Variants in IL25 observed in about 807,000 individuals in gnomAD.
IL25 encodes the protein interleukin 25, also known as interleukin-25.
In IL25, 10 loss-of-function variants were observed where a neutral mutation model predicts 13.2. The ratio of observed to expected loss-of-function variants is 0.76; its 90% CI spans 0.47 to 1.29. IL25 has a LOEUF of 1.29. Ranked by LOEUF, IL25 falls within the 50% of genes most tolerant of loss-of-function variation. The pLI, the probability that IL25 is intolerant of heterozygous loss-of-function variation, is 0.00. For synonymous variants in IL25, 107 were observed against 92.1 expected (o/e 1.16, Z -0.93); for missense variants, 235 against 232.4 (o/e 1.01, Z -0.07).
intron 1 of IL25, among the ~76,000 whole-genome samples, chr14:23,374,983 C>T (rs1186770904): frequency 6.6e-6 from 1 of 151,978 alleles, no homozygotes; most frequent in Non-Finnish European, 1.5e-5. Flanking sequence ...AGAAACACCA[C>T]CTAAAGTCCG....
chr14:23,373,347 A>G, exon 1 of IL25: 1 of 1,614,006 alleles, frequency 6.2e-7, no homozygotes. Context: ...CTGTAGGGCC[A>G]GTGAAGATGG....
exon 1 of IL25, chr14:23,372,884 A>T: frequency 7.9e-7 from 1 of 1,263,666 alleles, no homozygotes; most frequent in Non-Finnish European, 1.1e-6. Context: ...TAAAATCAGG[A>T]CTCCTAACCT....
exon 2 of IL25, chr14:23,375,760 T>C (rs751543463): frequency 2.2e-4 from 353 of 1,614,068 alleles, no homozygotes; most frequent in Non-Finnish European, 2.9e-4. Context: ...ACAACCAGAC[T>C]GTCTTCTACC....
chr14:23,372,932 G>T (rs1462641761), exon 1 of IL25: 1 of 1,606,430 alleles, frequency 6.2e-7, no homozygotes, highest in Non-Finnish European at 8.5e-7. Context: ...CTGTCAGTCA[G>T]TGCCCCACTT....
In IL25 at chr14:23,374,732, T is replaced by TTC. The variant is rs1555331961; in HGVS notation, c.279-892_279-891insCT. 6.1e-3 allele frequency among the ~76,000 whole-genome samples: 439 copies of TTC among 72,244 alleles called. 2 individuals carry two copies. The highest frequency in any genetic ancestry group is 0.029 in the African/African-American group (424 of 14,432). 47.4% of individuals were successfully genotyped at this position (72,244 alleles called of 152,430 possible). A position where few individuals can be genotyped will look rare whatever the true frequency, so the allele number is the denominator to read the frequency against. On this transcript the variant is annotated intron_variant, in intron 1 of 1. Coordinates refer to ENST00000329715, the Ensembl canonical transcript of IL25. ...TTTTCATCTTTCTTTCTTTCTTTCT[T>TTC]TTTTTTTTTTTGCCATGAAATCCTT...
chr14:23,373,272 C>A lies in IL25; in HGVS notation c.154C>A (p.Leu52Met). The change falls in exon 1 of 2, where the codon CTG becomes ATG. Residue 52 changes from leucine (L) to methionine (M), a missense_variant. Physicochemically the swap from Leu to Met is conservative, Grantham distance 15 (BLOSUM62 2). Transcript: ENST00000329715. ...AGGGCAGGACACCTCTGAGGAGCTG[C>A]TGAGGTGGAGCACTGTGCCTGTGCC... The A allele has an allele frequency of 6.2e-7, 1 of 1,614,198 alleles. No individual in the cohort carries two copies. Among genetic ancestry groups the A allele is most frequent in the African/African-American group, 1.3e-5 (1 of 75,058 alleles).
In IL25 at chr14:23,373,367, C is replaced by G. The variant is rs760281775; in HGVS notation, c.249C>G (p.Asn83Lys). ...GGGCCAGTGAAGATGGACCCCTCAA[C>G]AGCAGGGCCATCTCCCCCTGGAGAT... The change falls in exon 1 of 2, where the codon AAC (asparagine) becomes AAG (lysine). Residue 83 changes from asparagine to lysine, a missense_variant. Coordinates refer to ENST00000329715, the Ensembl canonical transcript of IL25. The G allele has an allele frequency of 3.1e-6, 5 of 1,613,254 alleles. No homozygotes were observed. The South Asian group carries it at 5.5e-5, about 18-fold the overall frequency.
At chr14:23,375,809 T>C in exon 2 of IL25, 1 of 1,614,258 alleles carries the variant, frequency 6.2e-7, no homozygotes. Flanking sequence ...CCACAAGGGC[T>C]ACTGCCTGGA....
chr14:23,373,485 C>T (rs1168495633), intron 1 of IL25, 89 bp downstream of exon 2: 20 of 1,171,212 alleles, frequency 1.7e-5, no homozygotes, highest in Non-Finnish European at 2.3e-5. Context: ...CTTACTTTCC[C>T]ATTTTGATCT....
chr14:23,373,280 G>A lies in IL25; in HGVS notation c.162G>A (p.Trp54Ter), dbSNP rs371234618. The change falls in exon 1 of 2, where the codon TGG (tryptophan) becomes TGA (stop). Residue 54 changes from tryptophan to a stop codon, truncating the protein, a stop_gained. Coordinates refer to ENST00000329715, the Ensembl canonical transcript of IL25. LOFTEE classifies it high-confidence loss of function. ...ACACCTCTGAGGAGCTGCTGAGGTGGAGCACTGTGCCTGTGCCTCCCCTAG... is the reference window on the plus strand; with the variant it reads ...ACACCTCTGAGGAGCTGCTGAGGTGAAGCACTGTGCCTGTGCCTCCCCTAG... The A allele has an allele frequency of 1.9e-6, 3 of 1,614,158 alleles. No homozygotes were observed. The highest frequency in any genetic ancestry group is 1.7e-6 in the Non-Finnish European group (2 of 1,180,032).
In IL25 at chr14:23,375,788, G is replaced by A. The variant is rs746436829; in HGVS notation, c.442G>A (p.Glu148Lys). The change falls in exon 2 of 2, where the codon GAG becomes AAG. Residue 148 changes from glutamate (E) to lysine (K), a missense_variant. Coordinates refer to ENST00000329715, the Ensembl canonical transcript of IL25. Reference sequence around the variant, plus strand: ...CTTCTACCGGCGGCCATGCCATGGCGAGAAGGGCACCCACAAGGGCTACTG... The same window carrying A: ...CTTCTACCGGCGGCCATGCCATGGCAAGAAGGGCACCCACAAGGGCTACTG... 17 of 1,614,112 alleles carry A rather than the reference G, an allele frequency of 1.1e-5. No homozygotes were observed. Among genetic ancestry groups the A allele is most frequent in the South Asian group, 3.3e-5 (3 of 91,092 alleles).
chr14:23,375,716 A>G (rs773751445), exon 2 of IL25: 4 of 1,614,114 alleles, frequency 2.5e-6, no homozygotes, highest in Non-Finnish European at 3.4e-6. Flanking sequence ...AGGCTCCCAC[A>G]TGGACCCCCG....
chr14:23,373,231 G>A lies in IL25; in HGVS notation c.113G>A (p.Ser38Asn), dbSNP rs762878140. 9 of 1,614,132 alleles carry A rather than the reference G, an allele frequency of 5.6e-6. No homozygotes were observed. The Admixed American group carries it at 1.5e-4, about 27-fold the overall frequency. The change falls in exon 1 of 2, where the codon AGC becomes AAC. Residue 38 changes from serine (S) to asparagine (N), a missense_variant. Physicochemically the swap from Ser to Asn is conservative, Grantham distance 46. Coordinates refer to ENST00000329715, the Ensembl canonical transcript of IL25. ...ACCCACACCTACAGCCACTGGCCCA[G>A]CTGCTGCCCCAGCAAAGGGCAGGAC... is the stretch of plus-strand genomic sequence containing the variant.
intron 1 of IL25, among the ~76,000 whole-genome samples, chr14:23,375,100 T>C (rs932184225): frequency 6.6e-6 from 1 of 152,112 alleles, no homozygotes; most frequent in Non-Finnish European, 1.5e-5. Flanking sequence ...GCCAACATCA[T>C]GAAACCCCAT....
Position 23,372,983 on chromosome 14 carries a change from C to G in IL25, c.-136C>G, listed in dbSNP as rs764865200. 1.2e-6 allele frequency: 2 copies of G among 1,613,870 alleles called. No homozygotes were observed. Among genetic ancestry groups the G allele is most frequent in the East Asian group, 2.2e-5 (1 of 44,878 alleles). ...GTGCCCAGCATGTACCAGGTCAGTG[C>G]AGAGGGCTGCCTGAGGGCTGTGCTG... On this transcript the variant is annotated 5_prime_UTR_variant, in exon 1 of 2. Coordinates refer to ENST00000329715, the Ensembl canonical transcript of IL25.
At chr14:23,374,676 G>A (rs1285017087) in intron 1 of IL25, among the ~76,000 whole-genome samples, 2 of 151,988 alleles carry the variant, frequency 1.3e-5, no homozygotes, top group Admixed American at 6.5e-5. Context: ...TAATGGAGTC[G>A]CAGACCTGTG....
intron 1 of IL25, among the ~76,000 whole-genome samples, chr14:23,374,265 A>G (rs1890482375): frequency 6.6e-6 from 1 of 152,066 alleles, no homozygotes; most frequent in Non-Finnish European, 1.5e-5. Flanking sequence ...TTCTTAGGGG[A>G]GGCGGGTGCC....
chr14:23,374,326 C>T (rs527392958), intron 1 of IL25, among the ~76,000 whole-genome samples: 3 of 152,272 alleles, frequency 2.0e-5, no homozygotes, highest in East Asian at 1.9e-4. Flanking sequence ...TCTGTGAACC[C>T]GAGAACCACT....
At chr14:23,373,789 AG>A (rs1890474885) in intron 1 of IL25, among the ~76,000 whole-genome samples, 1 of 152,302 alleles carries the variant, frequency 6.6e-6, no homozygotes, top group Admixed American at 6.5e-5. Flanking sequence ...ACAGGCATGA[AG>A]CATCCCAATA....
Sources: gnomAD v4.1 joint callset for allele counts (sites outside exome capture counted in the v4.1 genomes callset) on GRCh38, gnomAD v4.1.1 for gene constraint, MANE v1.5 for transcripts, NCBI Gene and HGNC (gene_info 2026-07-23, HGNC 2026-07-21) for gene names.